The following OXR1 variants were observed in gnomAD, a reference collection of about 807,000 sequenced individuals.
OXR1 encodes the protein oxidation resistance protein 1.
A neutral mutation model predicts 104.6 loss-of-function variants in OXR1; 41 were observed. The observed-to-expected ratio is 0.39, with a 90% CI of 0.31 to 0.51. OXR1 has a LOEUF of 0.51. Among genes scored for constraint, OXR1 ranks in the 20% least tolerant of loss-of-function variants. The pLI, the probability that OXR1 is intolerant of heterozygous loss-of-function variation, is 0.77. For missense variants in OXR1, 955 were observed against 1,031.9 expected (o/e 0.93, Z 1.02); for synonymous variants, 348 against 348.4 (o/e 1.00, Z 0.01).
intron 1 of OXR1, chr8:106,271,580 C>G (rs1811812863): frequency 6.6e-6 from 1 of 152,354 alleles, no homozygotes; most frequent in Non-Finnish European, 1.5e-5. Context: ...ATGTTTCCGG[C>G]CCGGGGTCGC....
chr8:106,503,573 T>C (rs900157455), intron 2 of OXR1, among the ~76,000 whole-genome samples: 52 of 152,188 alleles, frequency 3.4e-4, no homozygotes, highest in African/African-American at 1.1e-3. Context: ...AGAGCCTTCA[T>C]TGAAACAAAC....
chr8:106,314,110 G>A (rs565026589), intron 1 of OXR1, among the ~76,000 whole-genome samples: 49 of 152,282 alleles, frequency 3.2e-4, no homozygotes, highest in African/African-American at 1.1e-3. Context: ...CAGGTCACCA[G>A]AGAGCACATA....
chr8:106,546,915 C>T (rs1035170273), intron 3 of OXR1, among the ~76,000 whole-genome samples: 2 of 152,120 alleles, frequency 1.3e-5, no homozygotes, highest in South Asian at 2.1e-4. Flanking sequence ...ATTTTTTAGA[C>T]GGAGTCTCAC....
intron 2 of OXR1, among the ~76,000 whole-genome samples, chr8:106,429,407 C>T (rs1819268323): frequency 6.6e-6 from 1 of 152,146 alleles, no homozygotes; most frequent in Non-Finnish European, 1.5e-5. Flanking sequence ...CGTCTGTAAT[C>T]CCAGCACTAT....
At chr8:106,747,256 G>A (rs1835467319) in intron 16 of OXR1, among the ~76,000 whole-genome samples, 1 of 152,102 alleles carries the variant, frequency 6.6e-6, no homozygotes, top group African/African-American at 2.4e-5. Flanking sequence ...GCTATAAATT[G>A]GAGATTAAAC....
intron 3 of OXR1, chr8:106,657,858 CTTGTGAGGCGCGCGGAGCCGCCT>C (rs1825278425): frequency 1.0e-5 from 13 of 1,241,046 alleles, no homozygotes; most frequent in African/African-American, 1.6e-5. Flanking sequence ...CTCCCCGCCT[CTTGTGAGGCGCGCGGAGCCGCCT>C]CCCCTGGGTC....
At position 106,488,541 on chromosome 8, in the gene OXR1, G is replaced by T. The variant is rs188624619; in HGVS notation, c.24-30402G>T. On this transcript the variant is annotated intron_variant, in intron 2 of 16. Coordinates refer to ENST00000517566, the MANE Select transcript of OXR1 (RefSeq NM_001198533.2). The stretch of plus-strand genomic sequence containing the variant: ...GGTAATGCCTAGATTTTATTCTAGG[G>T]ATTTTATGGTTTTAGGTCTAACATT... 4.6e-3 allele frequency among the ~76,000 whole-genome samples: 707 copies of T among 152,272 alleles called. 7 individuals are homozygous for T. Among genetic ancestry groups the T allele is most frequent in the African/African-American group, 0.016 (660 of 41,546 alleles).
intron 3 of OXR1, among the ~76,000 whole-genome samples, chr8:106,607,790 CCT>C (rs1380708958): frequency 4.6e-5 from 7 of 151,868 alleles, no homozygotes; most frequent in Admixed American, 1.3e-4. Flanking sequence ...GATGTTATTT[CCT>C]CTTTCTTTTT....
At chr8:106,533,992 C>T (rs946530095) in intron 3 of OXR1, among the ~76,000 whole-genome samples, 3 of 152,114 alleles carry the variant, frequency 2.0e-5, no homozygotes, top group African/African-American at 4.8e-5. Flanking sequence ...GGATTACAGG[C>T]GTGAACCACC....
Position 106,707,223 on chromosome 8 carries a change from G to T in OXR1, c.1624+78G>T, listed in dbSNP as rs561074289. On this transcript the variant is annotated intron_variant, in intron 9 of 16. Transcript: ENST00000517566. ...GTCTTTCCTCACTGACTCAAAAGCCGCTGTACCTTAGGGCAACCTGAAGGA... is the reference window on the plus strand; with the variant it reads ...GTCTTTCCTCACTGACTCAAAAGCCTCTGTACCTTAGGGCAACCTGAAGGA... The T allele has an allele frequency of 2.6e-5, 36 of 1,380,954 alleles. No individual in the cohort carries two copies. The East Asian group carries it at 6.1e-4, about 23-fold the overall frequency. The allele number at this position is 1,380,954 out of a possible 1,614,324, so 85.5% of individuals were successfully genotyped here. A position where few individuals can be genotyped will look rare whatever the true frequency, so the allele number is the denominator to read the frequency against.
chr8:106,344,842 G>A (rs73701149), intron 1 of OXR1, among the ~76,000 whole-genome samples: 185 of 152,148 alleles, frequency 1.2e-3, no homozygotes, highest in African/African-American at 4.3e-3. Context: ...GTAAAATCCC[G>A]TATGCCTTTC....
Position 106,275,976 on chromosome 8 carries a change from A to C in OXR1, c.-139+5609A>C, listed in dbSNP as rs181334144. On this transcript the variant is annotated intron_variant, in intron 1 of 16. Transcript: ENST00000517566. The stretch of plus-strand genomic sequence containing the variant: ...ACAAATGCTTATTCATCTTAAGAAA[A>C]AAAATAGCCTGGAACATTTCCCCAG... Among the ~76,000 whole-genome samples, 3 of 152,344 alleles carry C rather than the reference A, an allele frequency of 2.0e-5. No individual in the cohort carries two copies. The East Asian group carries it at 5.8e-4, about 29-fold the overall frequency.
chr8:106,417,012 A>C (rs1436660563), intron 2 of OXR1, among the ~76,000 whole-genome samples: 2 of 152,166 alleles, frequency 1.3e-5, no homozygotes, highest in Non-Finnish European at 2.9e-5. Flanking sequence ...AGGTTGATGC[A>C]TAAGAAGGAA....
chr8:106,516,232 A>G (rs1165763947), intron 2 of OXR1, among the ~76,000 whole-genome samples: 2 of 152,178 alleles, frequency 1.3e-5, no homozygotes, highest in Admixed American at 6.6e-5. Context: ...CCAATGGTCT[A>G]TGAGCCCTAC....
At chr8:106,707,180 C>T (rs1477078033) in intron 9 of OXR1, 35 bp downstream of exon 9, 7 of 1,587,338 alleles carry the variant, frequency 4.4e-6, no homozygotes, top group Non-Finnish European at 6.0e-6. Flanking sequence ...TTAGTTCATC[C>T]AATTGTATGG....
chr8:106,612,077 C>A (rs1223137301), intron 3 of OXR1, among the ~76,000 whole-genome samples: 2 of 147,854 alleles, frequency 1.4e-5, no homozygotes, highest in Admixed American at 6.8e-5. Context: ...AGTCTCTACT[C>A]ATTTCATAAT....
At chr8:106,697,458 A>T in intron 7 of OXR1, 1 of 1,579,652 alleles carries the variant, frequency 6.3e-7, no homozygotes, top group Non-Finnish European at 8.7e-7. Flanking sequence ...GTAGCCAGTC[A>T]TGCCTGCCTG....
At chr8:106,521,039 A>AATGGGAGTGGCATGTCT (rs1419053621) in intron 3 of OXR1, among the ~76,000 whole-genome samples, 2 of 152,192 alleles carry the variant, frequency 1.3e-5, no homozygotes, top group African/African-American at 4.8e-5. Flanking sequence ...ATTCATAATC[A>AATGGGAGTGGCATGTCT]ATGGGAGTGG....
At chr8:106,338,263 G>A (rs1815043597) in intron 1 of OXR1, among the ~76,000 whole-genome samples, 1 of 152,052 alleles carries the variant, frequency 6.6e-6, no homozygotes, top group Non-Finnish European at 1.5e-5. Flanking sequence ...AGTCCAGTCT[G>A]CTTTGCCCCT....
Sources: allele counts gnomAD v4.1 joint callset (sites outside exome capture counted in the v4.1 genomes callset), GRCh38; gene constraint gnomAD v4.1.1; transcripts MANE v1.5; gene names NCBI Gene and HGNC (gene_info 2026-07-23, HGNC 2026-07-21).